SNRPE: variants seen among roughly 807,000 people sequenced by gnomAD.
SNRPE encodes the protein small nuclear ribonucleoprotein polypeptide E, also known as small nuclear ribonucleoprotein E.
For missense variants in SNRPE, 53 were observed against 111.6 expected (o/e 0.48, Z 2.36); for synonymous variants, 35 against 36.7 (o/e 0.95, Z 0.17).
chr1:203,869,482 T>G (rs1690170477), intron 4 of SNRPE, among the ~76,000 whole-genome samples: 2 of 152,016 alleles, frequency 1.3e-5, no homozygotes, highest in Non-Finnish European at 2.9e-5. Context: ...AATTTTGTAT[T>G]TTTAGTAGAG....
intron 4 of SNRPE, among the ~76,000 whole-genome samples, chr1:203,866,035 C>T (rs989983180): frequency 6.9e-5 from 10 of 145,186 alleles, no homozygotes; most frequent in Non-Finnish European, 1.2e-4. Flanking sequence ...TTAAATTGGC[C>T]GTTGGTGATC....
At chr1:203,865,187 C>A in intron 4 of SNRPE, 68 bp downstream of exon 4, 2 of 1,333,444 alleles carry the variant, frequency 1.5e-6, no homozygotes, top group Non-Finnish European at 2.1e-6. Flanking sequence ...CAGTGACCTG[C>A]AACTCAGTTC....
intron 3 of SNRPE, among the ~76,000 whole-genome samples, 165 bp from the exon 4 acceptor site, chr1:203,864,876 C>CAAAAAAAAAAAAAAAAA: frequency 8.4e-6 from 1 of 119,300 alleles, no homozygotes; most frequent in African/African-American, 3.1e-5. Context: ...GATCCTTTCT[C>CAAAAAAAAAAAAAAAAA]AAAAAAAAAA....
rs183028927 is a variant in SNRPE at position 203,861,932 on chromosome 1, C to T, written c.54+219C>T. 6.3e-3 allele frequency: 3,868 copies of T among 613,250 alleles called. 18 individuals carry two copies. Among genetic ancestry groups the T allele is most frequent in the Non-Finnish European group, 8.7e-3 (2,965 of 341,174 alleles). The allele number at this position is 613,250 out of a possible 1,614,324, so 38.0% of individuals were successfully genotyped here. ...GTGGGGAATGCAGGAATGGACGCGG[C>T]AAAAGGAGGGAAGAGAACTTCAGGT... On this transcript the variant is annotated intron_variant, in intron 1 of 4. Coordinates refer to ENST00000414487, the MANE Select transcript of SNRPE (RefSeq NM_003094.4).
intron 4 of SNRPE, among the ~76,000 whole-genome samples, chr1:203,867,041 C>T (rs1023084314): frequency 1.1e-4 from 16 of 143,224 alleles, no homozygotes; most frequent in African/African-American, 2.3e-4. Flanking sequence ...GAGGCCGAGG[C>T]GGGTGGATTA....
chr1:203,870,053 A>G lies in SNRPE; in HGVS notation c.*121A>G, dbSNP rs574437613. ...ACCCTCGTGTTACTACAAGATGGCA[A>G]TAAATACTATGGGATTGTTTGTATT... On this transcript the variant is annotated 3_prime_UTR_variant, in exon 5 of 5. Coordinates refer to ENST00000414487, the MANE Select transcript of SNRPE (RefSeq NM_003094.4). The G allele has an allele frequency of 1.0e-5, 6 of 598,010 alleles. No homozygotes were observed. Among genetic ancestry groups the G allele is most frequent in the Non-Finnish European group, 1.4e-5 (5 of 350,942 alleles). 37.0% of individuals were successfully genotyped at this position (598,010 alleles called of 1,614,324 possible).
chr1:203,864,630 A>G (rs973578720), intron 3 of SNRPE, among the ~76,000 whole-genome samples: 2 of 152,150 alleles, frequency 1.3e-5, no homozygotes, highest in African/African-American at 2.4e-5. Flanking sequence ...TAATCCTAGC[A>G]CTTAGGGAGG....
In SNRPE at chr1:203,861,664, C is replaced by A; in HGVS notation, c.5C>A (p.Ala2Glu). M[A>E]YRGQGQKVQK... The stretch of plus-strand genomic sequence containing the variant: ...TGCTCTTTGTGAAATTCCACCATGG[C>A]GTACCGTGGCCAGGGTCAGAAAGTG... Residue 2 changes from alanine (A) to glutamate (E), a missense_variant, in exon 1 of 5, where the codon GCG (alanine) becomes GAG (glutamate). Ala to Glu is a moderately radical substitution (Grantham distance 107). Transcript: ENST00000414487. The A allele has an allele frequency of 6.2e-7, 1 of 1,612,304 alleles. No homozygotes were observed. Among genetic ancestry groups the A allele is most frequent in the Non-Finnish European group, 8.5e-7 (1 of 1,178,304 alleles).
At chr1:203,863,874 TGATA>T (rs1690030915) in intron 3 of SNRPE, 149 bp downstream of exon 3, 1 of 612,372 alleles carries the variant, frequency 1.6e-6, no homozygotes. Flanking sequence ...TTTTCATTGT[TGATA>T]GATAAGGATT....
In SNRPE at chr1:203,870,096, T is replaced by G; in HGVS notation, c.*164T>G. 1 of 522,356 alleles carries G rather than the reference T, an allele frequency of 1.9e-6. No homozygotes were observed. Among genetic ancestry groups the G allele is most frequent in the Non-Finnish European group, 3.4e-6 (1 of 298,394 alleles). The allele number at this position is 522,356 out of a possible 1,614,324, so 32.4% of individuals were successfully genotyped here. ...TTTGTATTAAAAAATTTACATTGCT[T>G]CTTACTATTCAGCAGTAGAAACTTT... On this transcript the variant is annotated 3_prime_UTR_variant, in exon 5 of 5. Coordinates refer to ENST00000414487, the MANE Select transcript of SNRPE (RefSeq NM_003094.4).
chr1:203,866,472 T>C (rs1019783654), intron 4 of SNRPE, among the ~76,000 whole-genome samples: 2 of 152,166 alleles, frequency 1.3e-5, no homozygotes, highest in African/African-American at 4.8e-5. Flanking sequence ...GACTCCCAAA[T>C]TTGTTTGTCT....
At chr1:203,869,413 TCTC>T (rs1382645807) in intron 4 of SNRPE, among the ~76,000 whole-genome samples, 2 of 148,598 alleles carry the variant, frequency 1.3e-5, no homozygotes, top group Non-Finnish European at 3.0e-5. Flanking sequence ...TTCAAGCAAT[TCTC>T]CTGCCTCAGC....
intron 1 of SNRPE, 95 bp downstream of exon 1, chr1:203,861,808 G>C (rs1367612576): frequency 1.1e-6 from 1 of 935,230 alleles, no homozygotes; most frequent in African/African-American, 1.6e-5. Context: ...GTGGAGTACG[G>C]ATCCACATCC....
At chr1:203,865,159 T>G (rs765082056) in intron 4 of SNRPE, 40 bp downstream of exon 4, 6 of 1,551,016 alleles carry the variant, frequency 3.9e-6, no homozygotes, top group Non-Finnish European at 5.3e-6. Flanking sequence ...TAGAAATATT[T>G]TATTCACTTG....
chr1:203,862,013 A>G, intron 1 of SNRPE, 183 bp from the exon 2 acceptor site: 1 of 623,740 alleles, frequency 1.6e-6, no homozygotes, highest in Non-Finnish European at 2.9e-6. Context: ...ATGAAAGTGG[A>G]ATGGATGTTC....
Position 203,864,891 on chromosome 1 carries a change from A to AT in SNRPE, c.145-150_145-149insT, listed in dbSNP as rs1558157286. 78 of 631,572 alleles carry AT rather than the reference A, an allele frequency of 1.2e-4. 1 individual carries two copies. In the African/African-American group the frequency reaches 1.4e-3, roughly 11 times the overall value. 39.1% of individuals were successfully genotyped at this position (631,572 alleles called of 1,614,324 possible). A position where few individuals can be genotyped will look rare whatever the true frequency, so the allele number is the denominator to read the frequency against. ...GATCCTTTCTCAAAAAAAAAAAAAA[A>AT]AAAAAAAAAACTTTGGGTGGAAGGT... On this transcript the variant is annotated intron_variant, in intron 3 of 4. Transcript: ENST00000414487.
chr1:203,864,240 CA>C (rs1221719119), intron 3 of SNRPE, among the ~76,000 whole-genome samples: 1 of 151,614 alleles, frequency 6.6e-6, no homozygotes, highest in African/African-American at 2.4e-5. Context: ...AGGCATGAGC[CA>C]CAACGCCTGG....
chr1:203,868,294 A>G (rs978322518), intron 4 of SNRPE, among the ~76,000 whole-genome samples: 18 of 152,090 alleles, frequency 1.2e-4, no homozygotes, highest in African/African-American at 3.6e-4. Context: ...GAGCTCAGGC[A>G]ATCCACCTGC....
chr1:203,862,061 G>A (rs1262892838), intron 1 of SNRPE, 135 bp from the exon 2 acceptor site: 1 of 716,276 alleles, frequency 1.4e-6, no homozygotes, highest in African/African-American at 1.8e-5. Flanking sequence ...TGCCCAGCTG[G>A]GCACTTGTTG....
Sources: gnomAD v4.1 joint callset for allele counts (sites outside exome capture counted in the v4.1 genomes callset) on GRCh38, gnomAD v4.1.1 for gene constraint, MANE v1.5 for transcripts, NCBI Gene and HGNC (gene_info 2026-07-23, HGNC 2026-07-21) for gene names.